CDS1: variants seen among roughly 807,000 people sequenced by gnomAD.
CDS1 encodes the protein CDP-diacylglycerol synthase 1.
A neutral mutation model predicts 62.1 loss-of-function variants in CDS1; 41 were observed. The ratio of observed to expected loss-of-function variants is 0.66; its 90% CI spans 0.51 to 0.86. The LOEUF (loss-of-function observed/expected upper bound fraction) is 0.86, where lower values mean the gene tolerates loss of function less well. CDS1 is among the 40% of genes least tolerant of loss of function. The pLI is 0.00. For synonymous variants in CDS1, 185 were observed against 192.6 expected, an observed-to-expected ratio of 0.96 and a Z score of 0.32; for missense variants, 470 against 550.1, an observed-to-expected ratio of 0.85 and a Z score of 1.46.
chr4:84,617,443 G>T, intron 3 of CDS1, 121 bp from the exon 4 acceptor site: 1 of 608,222 alleles, frequency 1.6e-6, no homozygotes. Context: ...CTGACATTTA[G>T]CATAATTAAA....
chr4:84,609,249 A>AATT (rs1461754870), intron 2 of CDS1, among the ~76,000 whole-genome samples, 180 bp from the exon 3 acceptor site: 1 of 151,946 alleles, frequency 6.6e-6, no homozygotes, highest in Non-Finnish European at 1.5e-5. Context: ...TTTAAAAGTT[A>AATT]ATTTATCTCC....
chr4:84,623,524 TC>T (rs1409333753), intron 5 of CDS1, among the ~76,000 whole-genome samples: 2 of 152,186 alleles, frequency 1.3e-5, no homozygotes, highest in Non-Finnish European at 2.9e-5. Context: ...TTTTCTAGCT[TC>T]CAAATTTTGT....
At chr4:84,588,374 A>G (rs1028924328) in intron 1 of CDS1, among the ~76,000 whole-genome samples, 1 of 152,206 alleles carries the variant, frequency 6.6e-6, no homozygotes, top group African/African-American at 2.4e-5. Context: ...TTTTGGAACA[A>G]CTTTGATTTA....
chr4:84,615,519 G>C (rs1038655727), intron 3 of CDS1, among the ~76,000 whole-genome samples: 4 of 151,476 alleles, frequency 2.6e-5, no homozygotes, highest in African/African-American at 9.7e-5. Context: ...CCCTTAATAC[G>C]CCCCATTCCC....
intron 1 of CDS1, among the ~76,000 whole-genome samples, chr4:84,586,052 C>T (rs933758069): frequency 1.3e-5 from 2 of 152,106 alleles, no homozygotes; most frequent in South Asian, 2.1e-4. Context: ...GTGTTCTAGG[C>T]AAAGGACGTG....
chr4:84,643,171 A>C, intron 11 of CDS1, 28 bp downstream of exon 11: 1 of 1,599,920 alleles, frequency 6.3e-7, no homozygotes, highest in Non-Finnish European at 8.6e-7. Flanking sequence ...TTGTTATATT[A>C]TTAGAGAATA....
Position 84,604,440 on chromosome 4 carries a change from A to G in CDS1, c.245+70A>G, listed in dbSNP as rs373242427. The G allele has an allele frequency of 1.9e-4, 295 of 1,528,860 alleles. No homozygotes were observed. In the African/African-American group the frequency reaches 3.6e-3, roughly 19 times the overall value. 94.7% of individuals were successfully genotyped at this position (1,528,860 alleles called of 1,614,324 possible). A position where few individuals can be genotyped will look rare whatever the true frequency, so the allele number is the denominator to read the frequency against. ...CTTTGAGGTTATCCTTGTCCATGTAATAAATTTGGCTTTTTGTAAGTTTTC... is the reference window on the plus strand; with the variant it reads ...CTTTGAGGTTATCCTTGTCCATGTAGTAAATTTGGCTTTTTGTAAGTTTTC... On this transcript the variant is annotated intron_variant, in intron 2 of 12. Coordinates refer to ENST00000295887, the MANE Select transcript of CDS1 (RefSeq NM_001263.4).
intron 6 of CDS1, among the ~76,000 whole-genome samples, chr4:84,633,220 A>G (rs1279902044): frequency 6.6e-6 from 1 of 152,194 alleles, no homozygotes; most frequent in African/African-American, 2.4e-5. Flanking sequence ...GTACATGGAA[A>G]CCATATTGAT....
At chr4:84,626,702 C>T (rs557290908) in intron 5 of CDS1, among the ~76,000 whole-genome samples, 20 of 152,296 alleles carry the variant, frequency 1.3e-4, no homozygotes, top group African/African-American at 3.4e-4. Context: ...TCATTTTAAG[C>T]GTTGCCTAAA....
At chr4:84,645,893 G>A (rs1459934035) in intron 12 of CDS1, among the ~76,000 whole-genome samples, 1 of 152,214 alleles carries the variant, frequency 6.6e-6, no homozygotes, top group East Asian at 1.9e-4. Flanking sequence ...GATCATGCCT[G>A]TGTGTGTAGG....
chr4:84,603,652 A>G (rs1287350436), intron 1 of CDS1, among the ~76,000 whole-genome samples: 1 of 152,182 alleles, frequency 6.6e-6, no homozygotes, highest in South Asian at 2.1e-4. Flanking sequence ...TGCACTCAGA[A>G]GTCGGTTTGT....
chr4:84,635,162 GT>G, intron 7 of CDS1, 101 bp from the exon 8 acceptor site: 2 of 642,962 alleles, frequency 3.1e-6, no homozygotes, highest in Non-Finnish European at 5.4e-6. Flanking sequence ...AATCCAAAGG[GT>G]TATTCTGATG....
At chr4:84,639,763 C>T (rs930926361) in intron 9 of CDS1, among the ~76,000 whole-genome samples, 1 of 151,908 alleles carries the variant, frequency 6.6e-6, no homozygotes, top group Non-Finnish European at 1.5e-5. Flanking sequence ...TGGAAATATG[C>T]CATGATCCTG....
rs145293030 is a variant in CDS1 at position 84,605,884 on chromosome 4, C to T, written c.245+1514C>T. Among the ~76,000 whole-genome samples the T allele has an allele frequency of 1.9e-3, 283 of 152,164 alleles. 3 individuals carry two copies. Among genetic ancestry groups the T allele is most frequent in the African/African-American group, 6.1e-3 (252 of 41,538 alleles). The stretch of plus-strand genomic sequence containing the variant: ...TAACACAGGTATATAAATGTGGAAA[C>T]GTAGGCAGATATTATATATCAAGGG... On this transcript the variant is annotated intron_variant, in intron 2 of 12. Transcript: ENST00000295887.
chr4:84,640,426 A>C (rs1440571030), intron 9 of CDS1, among the ~76,000 whole-genome samples: 7 of 152,022 alleles, frequency 4.6e-5, no homozygotes, highest in Admixed American at 1.3e-4. Flanking sequence ...TAATTTAGTC[A>C]AAGTTTTCTG....
intron 8 of CDS1, among the ~76,000 whole-genome samples, chr4:84,636,369 T>A (rs1216634770): frequency 6.6e-6 from 1 of 152,226 alleles, no homozygotes; most frequent in Non-Finnish European, 1.5e-5. Context: ...GTTGTTTTGC[T>A]ATAGAATTGG....
intron 2 of CDS1, among the ~76,000 whole-genome samples, chr4:84,606,544 A>G (rs80182255): frequency 0.044 from 6,688 of 152,228 alleles, 498 homozygotes; most frequent in African/African-American, 0.15. Context: ...GGCATTTAGT[A>G]TATTACTAAA....
chr4:84,648,531 T>C, intron 12 of CDS1, 26 bp from the exon 13 acceptor site: 1 of 1,608,194 alleles, frequency 6.2e-7, no homozygotes, highest in Non-Finnish European at 8.5e-7. Flanking sequence ...TAACACGAAC[T>C]TGTCTTCTTT....
At chr4:84,615,471 C>T (rs1259342161) in intron 3 of CDS1, among the ~76,000 whole-genome samples, 1 of 152,076 alleles carries the variant, frequency 6.6e-6, no homozygotes, top group Non-Finnish European at 1.5e-5. Flanking sequence ...TTCTTACCCC[C>T]ACCTTTGTCT....
Sources: gnomAD v4.1 joint callset for allele counts (sites outside exome capture counted in the v4.1 genomes callset) on GRCh38, gnomAD v4.1.1 for gene constraint, MANE v1.5 for transcripts, NCBI Gene and HGNC (gene_info 2026-07-23, HGNC 2026-07-21) for gene names.